RABEP1: variants seen among roughly 807,000 people sequenced by gnomAD.
RABEP1 encodes rab GTPase-binding effector protein 1.
In RABEP1, 51 loss-of-function variants were observed where a neutral mutation model predicts 123.4. That is an observed-to-expected ratio of 0.41 (90% CI 0.33 to 0.52). The LOEUF (loss-of-function observed/expected upper bound fraction) is 0.52, where lower values mean the gene tolerates loss of function less well. RABEP1 is among the 20% of genes least tolerant of loss of function. RABEP1 has a pLI of 0.16. For synonymous variants in RABEP1, 347 were observed against 355.2 expected (o/e 0.98, Z 0.26); for missense variants, 888 against 996.3 (o/e 0.89, Z 1.46).
intron 1 of RABEP1, among the ~76,000 whole-genome samples, chr17:5,294,633 CTTTTTTTTTTTTTT>C (rs1185209680): frequency 7.7e-4 from 41 of 53,022 alleles, no homozygotes; most frequent in South Asian, 1.2e-3. Context: ...ACGGTATTGT[CTTTTTTTTTTTTTT>C]TTTTTTTTTT....
Position 5,384,097 on chromosome 17 carries a change from T to C in RABEP1, c.*874T>C, listed in dbSNP as rs2144747618. 9.3e-6 allele frequency: 2 copies of C among 214,700 alleles called. No individual in the cohort carries two copies. The highest frequency in any genetic ancestry group is 3.7e-4 in the South Asian group (2 of 5,376). The allele number at this position is 214,700 out of a possible 1,614,324, so 13.3% of individuals were successfully genotyped here. A position where few individuals can be genotyped will look rare whatever the true frequency, so the allele number is the denominator to read the frequency against. ...AAATAGGCTAATTTTTCAACTTGGATCATTAGGCTTACGTACTACTTGTTT... is the reference window on the plus strand; with the variant it reads ...AAATAGGCTAATTTTTCAACTTGGACCATTAGGCTTACGTACTACTTGTTT... On this transcript the variant is annotated 3_prime_UTR_variant, in exon 18 of 18. Coordinates refer to ENST00000537505, the MANE Select transcript of RABEP1 (RefSeq NM_004703.6).
In RABEP1 at chr17:5,328,104, T is replaced by C. The variant is rs552094130; in HGVS notation, c.164-3845T>C. On this transcript the variant is annotated intron_variant, in intron 2 of 17. Transcript: ENST00000537505. Reference sequence around the variant, plus strand: ...AAGTAACTGCAAAAGAACATTAAGGTTTCAAAACCTGCGACGTAAGTAAAG... The same window carrying C: ...AAGTAACTGCAAAAGAACATTAAGGCTTCAAAACCTGCGACGTAAGTAAAG... Among the ~76,000 whole-genome samples the C allele has an allele frequency of 3.9e-5, 6 of 152,286 alleles. No homozygotes were observed. In the South Asian group the frequency reaches 1.2e-3, roughly 32 times the overall value.
chr17:5,363,488 G>A (rs1187244282), intron 10 of RABEP1, among the ~76,000 whole-genome samples: 1 of 152,094 alleles, frequency 6.6e-6, no homozygotes, highest in Non-Finnish European at 1.5e-5. Flanking sequence ...AAAGTGTTGG[G>A]ATTACAGGTG....
At position 5,385,663 on chromosome 17, in the gene RABEP1, T is replaced by C. The variant is rs7426; in HGVS notation, c.*2440T>C. 118,810 of 230,816 alleles carry C rather than the reference T, an allele frequency of 0.51. 33,742 individuals are homozygous for C. Among genetic ancestry groups the C allele is most frequent in the East Asian group, 0.98 (15,867 of 16,252 alleles). 14.3% of individuals were successfully genotyped at this position (230,816 alleles called of 1,614,324 possible). On this transcript the variant is annotated 3_prime_UTR_variant, in exon 18 of 18. Transcript: ENST00000537505. ...ACTCAGCTCTGAAAGGTAATACAGC[T>C]TGTGAGGAAGTGAGCCAGCAGTGGC...
Position 5,365,102 on chromosome 17 carries a change from T to G in RABEP1, c.1669-20T>G, listed in dbSNP as rs746303559. ...ATAAAAGGATTCTGGTTTTTCTAATTGACTTTTAAAATGATACAGGTGAAA... is the reference window on the plus strand; with the variant it reads ...ATAAAAGGATTCTGGTTTTTCTAATGGACTTTTAAAATGATACAGGTGAAA... On this transcript the variant is annotated intron_variant, in intron 10 of 17. Coordinates refer to ENST00000537505, the MANE Select transcript of RABEP1 (RefSeq NM_004703.6). 78 of 1,491,928 alleles carry G rather than the reference T, an allele frequency of 5.2e-5. No individual in the cohort carries two copies. The highest frequency in any genetic ancestry group is 5.4e-6 in the Non-Finnish European group (6 of 1,107,396). The allele number at this position is 1,491,928 out of a possible 1,614,324, so 92.4% of individuals were successfully genotyped here.
intron 5 of RABEP1, among the ~76,000 whole-genome samples, chr17:5,343,490 G>A (rs1487161321): frequency 6.6e-6 from 1 of 152,006 alleles, no homozygotes; most frequent in Non-Finnish European, 1.5e-5. Context: ...AACCCAGGAG[G>A]TGGAAGTTGC....
chr17:5,300,493 T>G (rs1487296899), intron 1 of RABEP1, among the ~76,000 whole-genome samples: 1 of 152,140 alleles, frequency 6.6e-6, no homozygotes, highest in South Asian at 2.1e-4. Flanking sequence ...GTAGTATTGG[T>G]CAAGTTTCTC....
intron 1 of RABEP1, among the ~76,000 whole-genome samples, chr17:5,286,797 A>C (rs1160308527): frequency 6.6e-6 from 1 of 152,170 alleles, no homozygotes; most frequent in Non-Finnish European, 1.5e-5. Context: ...TAAACAACAA[A>C]CGTAAGCAAA....
At chr17:5,376,248 G>A (rs562244781) in intron 13 of RABEP1, among the ~76,000 whole-genome samples, 1 of 152,244 alleles carries the variant, frequency 6.6e-6, no homozygotes, top group African/African-American at 2.4e-5. Context: ...TTGAGCCCAG[G>A]AGTTTGAGTC....
At chr17:5,311,726 TAAA>T in intron 2 of RABEP1, among the ~76,000 whole-genome samples, 1 of 137,174 alleles carries the variant, frequency 7.3e-6, no homozygotes. Flanking sequence ...AAAAACAGAC[TAAA>T]AAATAGGAAA....
chr17:5,367,070 CA>C (rs1204248776), intron 11 of RABEP1, among the ~76,000 whole-genome samples: 1 of 148,856 alleles, frequency 6.7e-6, no homozygotes, highest in Non-Finnish European at 1.5e-5. Flanking sequence ...GCCTGGGCAA[CA>C]AGAGTGAAAC....
intron 6 of RABEP1, among the ~76,000 whole-genome samples, chr17:5,348,869 C>A (rs961901698): frequency 6.6e-6 from 1 of 151,990 alleles, no homozygotes; most frequent in Non-Finnish European, 1.5e-5. Context: ...CCTATTTTCT[C>A]TTAAATAATA....
At chr17:5,335,433 A>G (rs1906980880) in intron 4 of RABEP1, 89 bp downstream of exon 4, 2 of 1,115,554 alleles carry the variant, frequency 1.8e-6, no homozygotes, top group Non-Finnish European at 2.6e-6. Flanking sequence ...TAATAGAAGT[A>G]CTTTGATATT....
chr17:5,357,482 G>A (rs765716953), intron 8 of RABEP1, among the ~76,000 whole-genome samples: 5 of 150,894 alleles, frequency 3.3e-5, no homozygotes, highest in Non-Finnish European at 5.9e-5. Context: ...AGCGATTCTC[G>A]TGCCTCAGCC....
intron 17 of RABEP1, 55 bp downstream of exon 17, chr17:5,381,560 A>G: frequency 6.4e-7 from 1 of 1,568,712 alleles, no homozygotes; most frequent in Non-Finnish European, 8.6e-7. Flanking sequence ...GGGGGACAGA[A>G]CCTTGCCGAT....
intron 2 of RABEP1, among the ~76,000 whole-genome samples, chr17:5,309,898 G>T (rs1215329665): frequency 1.3e-5 from 2 of 152,186 alleles, no homozygotes; most frequent in East Asian, 3.8e-4. Context: ...GTCCCACCCA[G>T]ATTTACTGAG....
chr17:5,309,243 A>C (rs2075211220), intron 2 of RABEP1, among the ~76,000 whole-genome samples: 1 of 152,226 alleles, frequency 6.6e-6, no homozygotes, highest in Non-Finnish European at 1.5e-5. Flanking sequence ...TATGAGGCAG[A>C]CATTATACTT....
intron 1 of RABEP1, chr17:5,283,738 C>T (rs2074951084): frequency 6.6e-6 from 1 of 152,140 alleles, no homozygotes; most frequent in African/African-American, 2.4e-5. Flanking sequence ...ACCATGTTAT[C>T]AGATTTTAAG....
intron 12 of RABEP1, among the ~76,000 whole-genome samples, chr17:5,369,444 G>T (rs996715617): frequency 1.3e-5 from 2 of 152,158 alleles, no homozygotes; most frequent in African/African-American, 2.4e-5. Context: ...AAAGCCTTGG[G>T]TGGAATGGTC....
Sources: allele counts gnomAD v4.1 joint callset (sites outside exome capture counted in the v4.1 genomes callset), GRCh38; gene constraint gnomAD v4.1.1; transcripts MANE v1.5; gene names NCBI Gene and HGNC (gene_info 2026-07-23, HGNC 2026-07-21).